The following ZFP28 variants were observed in gnomAD, a reference collection of about 807,000 sequenced individuals.
ZFP28 encodes the protein ZFP28 zinc finger protein, also known as zinc finger protein 28 homolog.
A neutral mutation model predicts 39.5 loss-of-function variants in ZFP28; 31 were observed. That is an observed-to-expected ratio of 0.79 (90% CI 0.59 to 1.06). ZFP28 has a LOEUF of 1.06. Ranked by LOEUF, ZFP28 falls within the 50% of genes least tolerant of loss-of-function variation. The pLI is 0.00. For synonymous variants in ZFP28, 400 were observed against 378.6 expected, an observed-to-expected ratio of 1.06 and a Z score of -0.66; for missense variants, 925 against 1,048.4, an observed-to-expected ratio of 0.88 and a Z score of 1.63.
At chr19:56,545,269 T>C (rs978662121) in intron 2 of ZFP28, among the ~76,000 whole-genome samples, 1 of 152,206 alleles carries the variant, frequency 6.6e-6, no homozygotes, top group Non-Finnish European at 1.5e-5. Context: ...GCTCTGCAGT[T>C]GACTGATTCA....
rs149325607 is a variant in ZFP28, at chr19:56,553,955, G to T, written c.1170G>T (p.Glu390Asp). Residue 390 changes from glutamate (E) to aspartate (D), a missense_variant, in exon 8 of 8, where the codon GAG (glutamate) becomes GAT (aspartate). Coordinates refer to ENST00000301318, the MANE Select transcript of ZFP28 (RefSeq NM_020828.2). ...GRWFYLDDSE[E>D]KVHNRDSIKN... ...GGTTCTATTTGGACGATTCAGAAGA[G>T]AAAGTTCATAATCGTGATTCAATTA... is the stretch of plus-strand genomic sequence containing the variant. The T allele has an allele frequency of 1.9e-6, 3 of 1,613,072 alleles. No homozygotes were observed. In the East Asian group the frequency reaches 6.7e-5, roughly 36 times the overall value.
rs1172876489 is a variant in ZFP28, at chr19:56,556,166, C to T, written c.*774C>T. On this transcript the variant is annotated 3_prime_UTR_variant, in exon 8 of 8. Transcript: ENST00000301318. ...TGACTGTTTTTGTATGGTCCATGAT[C>T]TAGAATTTAAAAAAATTTTAAAGGG... 3 of 151,968 alleles carry T rather than the reference C, an allele frequency of 2.0e-5. No individual in the cohort carries two copies. Among genetic ancestry groups the T allele is most frequent in the Admixed American group, 2.0e-4 (3 of 15,256 alleles). 9.4% of individuals were successfully genotyped at this position (151,968 alleles called of 1,614,324 possible). A position where few individuals can be genotyped will look rare whatever the true frequency, so the allele number is the denominator to read the frequency against.
Position 56,547,703 on chromosome 19 carries a change from CT to C in ZFP28, c.427+72del. The C allele has an allele frequency of 6.3e-6, 10 of 1,585,804 alleles. No homozygotes were observed. Among genetic ancestry groups the C allele is most frequent in the Non-Finnish European group, 7.7e-6 (9 of 1,164,740 alleles). ...TCCTGGACTAAGAAGCCTTTCATGC[CT>C]TTATCACCCAGACCTGCACTGCCCT... On this transcript the variant is annotated intron_variant, in intron 3 of 7. Coordinates refer to ENST00000301318, the MANE Select transcript of ZFP28 (RefSeq NM_020828.2). The surrounding 1 kb of genome is among the most constrained non-coding windows in gnomAD (Gnocchi z 4.6).
intron 2 of ZFP28, among the ~76,000 whole-genome samples, chr19:56,540,794 C>T (rs1291475127): frequency 6.6e-6 from 1 of 152,216 alleles, no homozygotes; most frequent in African/African-American, 2.4e-5. Context: ...AAACAGGTGG[C>T]TACCTATCCC....
In ZFP28 at chr19:56,555,026, T is replaced by C. The variant is rs2044338183; in HGVS notation, c.2241T>C (p.His747=). 8.7e-6 allele frequency: 14 copies of C among 1,614,190 alleles called. 1 individual carries two copies. Among genetic ancestry groups the C allele is most frequent in the Non-Finnish European group, 1.2e-5 (14 of 1,180,032 alleles). The stretch of plus-strand genomic sequence containing the variant: ...AGACAAAATCCTCCCTTATTTGTCA[T>C]CGCAGAAGTCATACTGGAGAAAAAC... The part of the protein sequence containing the change: ...AFKTKSSLIC[H]RRSHTGEKPY... The change falls in exon 8 of 8, where the codon CAT becomes CAC. Residue 747 remains histidine (H), a synonymous_variant. Transcript: ENST00000301318.
chr19:56,549,015 G>C lies in ZFP28; in HGVS notation c.581G>C (p.Gly194Ala), dbSNP rs749147033. The change falls in exon 5 of 8, where the codon GGA becomes GCA. Residue 194 changes from glycine (G) to alanine (A), a missense_variant. Gly to Ala is a moderately conservative substitution (Grantham distance 60). This residue lies in a region of ZFP28 where 556 missense variants were observed against 542.9 expected (regional missense o/e 1.02). Coordinates refer to ENST00000301318, the MANE Select transcript of ZFP28 (RefSeq NM_020828.2). ...ELPLKKDFCE[G>A]KLSQAVITER... Reference sequence around the variant, plus strand: ...CCTCTCAAGAAGGACTTCTGCGAAGGAAAGCTATCCCAGGCAGTGATAACA... The same window carrying C: ...CCTCTCAAGAAGGACTTCTGCGAAGCAAAGCTATCCCAGGCAGTGATAACA... 6.2e-7 allele frequency: 1 copy of C among 1,613,966 alleles called. No homozygotes were observed. Among genetic ancestry groups the C allele is most frequent in the African/African-American group, 1.3e-5 (1 of 74,928 alleles).
Position 56,539,678 on chromosome 19 carries a change from G to A in ZFP28, c.262G>A (p.Ala88Thr), listed in dbSNP as rs747817624. 6.2e-7 allele frequency: 1 copy of A among 1,614,192 alleles called. No individual in the cohort carries two copies. Among genetic ancestry groups the A allele is most frequent in the East Asian group, 2.2e-5 (1 of 44,880 alleles). The change falls in exon 2 of 8, where the codon GCT becomes ACT. Residue 88 changes from alanine to threonine, a missense_variant. Transcript: ENST00000301318. ...LPQERNKKLE[A>T]VGTGIEPKAM... ...CCAGGAGAGAAACAAGAAGCTGGAG[G>A]CTGTGGGGACAGGAATTGAACCTAA...
At chr19:56,553,658 A>G in intron 7 of ZFP28, 26 bp from the exon 8 acceptor site, 1 of 1,536,102 alleles carries the variant, frequency 6.5e-7, no homozygotes, top group Non-Finnish European at 8.7e-7. Flanking sequence ...GAAAAAGGAA[A>G]TATGTGTTTT....
rs1007490714 is a variant in ZFP28 at position 56,539,373 on chromosome 19, A to G, written c.208+147A>G. On this transcript the variant is annotated intron_variant, in intron 1 of 7. Transcript: ENST00000301318. ...GCTGGTGGAGTGGGAGAATCTGAAG[A>G]TTTGGAAGCTCAACTGATTCAGAGC... The G allele has an allele frequency of 5.2e-6, 5 of 952,874 alleles. No individual in the cohort carries two copies. The African/African-American group carries it at 6.7e-5, about 13-fold the overall frequency. 59.0% of individuals were successfully genotyped at this position (952,874 alleles called of 1,614,324 possible). A position where few individuals can be genotyped will look rare whatever the true frequency, so the allele number is the denominator to read the frequency against.
intron 2 of ZFP28, among the ~76,000 whole-genome samples, chr19:56,543,536 C>T (rs2044214424): frequency 6.6e-6 from 1 of 151,984 alleles, no homozygotes; most frequent in African/African-American, 2.4e-5. Context: ...TTCTGAGTGG[C>T]TGGGCCTATA....
rs563829816 is a variant in ZFP28, at chr19:56,539,077, C to G, written c.59C>G (p.Ala20Gly). Residue 20 changes from alanine (A) to glycine (G), a missense_variant, in exon 1 of 8, where the codon GCC becomes GGC. Transcript: ENST00000301318. ...REPTPLPGRG[A>G]PRTKPRAGRG... ...CCGACGCCGCTCCCGGGTAGAGGCG[C>G]CCCCCGCACAAAGCCCCGGGCGGGC... 2.0e-6 allele frequency: 3 copies of G among 1,530,018 alleles called. No homozygotes were observed. The East Asian group carries it at 7.4e-5, about 38-fold the overall frequency. The allele number at this position is 1,530,018 out of a possible 1,614,324, so 94.8% of individuals were successfully genotyped here.
In ZFP28 at chr19:56,538,998, C is replaced by A. The variant is rs2044165288; in HGVS notation, c.-21C>A. ...GTCTGTGAGGGACCGGTCGGAAGGGCGTCGCGCGGCCTCGGGTGACATGCG... is the reference window on the plus strand; with the variant it reads ...GTCTGTGAGGGACCGGTCGGAAGGGAGTCGCGCGGCCTCGGGTGACATGCG... On this transcript the variant is annotated 5_prime_UTR_variant, in exon 1 of 8. Transcript: ENST00000301318. 7 of 1,386,582 alleles carry A rather than the reference C, an allele frequency of 5.0e-6. No individual in the cohort carries two copies. The highest frequency in any genetic ancestry group is 1.6e-5 in the South Asian group (1 of 61,362). 85.9% of individuals were successfully genotyped at this position (1,386,582 alleles called of 1,614,324 possible).
chr19:56,554,749 C>G lies in ZFP28; in HGVS notation c.1964C>G (p.Thr655Ser), dbSNP rs201526984. The change falls in exon 8 of 8, where the codon ACC (threonine) becomes AGC (serine). Residue 655 changes from threonine (T) to serine (S), a missense_variant. Coordinates refer to ENST00000301318, the MANE Select transcript of ZFP28 (RefSeq NM_020828.2). The surrounding 1 kb of genome is among the most constrained non-coding windows in gnomAD (Gnocchi z 6.7). ...TGTAAGGTTTGTAGTAAAGCGTTCA[C>G]CCAGAAGGCTCACCTTGCACAGCAT... Reference protein sequence around the residue: ...YECKVCSKAFTQKAHLAQHQK... With the variant: ...YECKVCSKAFSQKAHLAQHQK... 4.3e-5 allele frequency: 69 copies of G among 1,613,930 alleles called. No individual in the cohort carries two copies. Among genetic ancestry groups the G allele is most frequent in the Non-Finnish European group, 5.8e-5 (69 of 1,180,016 alleles).
At chr19:56,543,377 A>G (rs2044212893) in intron 2 of ZFP28, among the ~76,000 whole-genome samples, 1 of 128,138 alleles carries the variant, frequency 7.8e-6, no homozygotes, top group Non-Finnish European at 1.6e-5. Flanking sequence ...TAATATATGT[A>G]TATTATATAT....
rs778756665 is a variant in ZFP28, at chr19:56,554,094, G to A, written c.1309G>A (p.Val437Ile). ...KTFTQSSSLT[V>I]HQRIHTGEKP... The stretch of plus-strand genomic sequence containing the variant: ...TTTTACCCAGAGCTCATCTCTTACT[G>A]TTCATCAGAGAATTCACACTGGAGA... Residue 437 changes from valine to isoleucine, a missense_variant, in exon 8 of 8, where the codon GTT becomes ATT. This residue lies in a region of ZFP28 where 556 missense variants were observed against 542.9 expected (regional missense o/e 1.02). Coordinates refer to ENST00000301318, the MANE Select transcript of ZFP28 (RefSeq NM_020828.2). The surrounding 1 kb of genome is among the most constrained non-coding windows in gnomAD (Gnocchi z 6.7). The A allele has an allele frequency of 6.2e-6, 10 of 1,614,186 alleles. No homozygotes were observed. The South Asian group carries it at 6.6e-5, about 11-fold the overall frequency.
Position 56,538,975 on chromosome 19 carries a change from C to T in ZFP28, c.-44C>T. On this transcript the variant is annotated 5_prime_UTR_variant, in exon 1 of 8. Transcript: ENST00000301318. Reference sequence around the variant, plus strand: ...GGCGGGTGTGGCCAGGGGTGTGGGTCTGTGAGGGACCGGTCGGAAGGGCGT... The same window carrying T: ...GGCGGGTGTGGCCAGGGGTGTGGGTTTGTGAGGGACCGGTCGGAAGGGCGT... 7.5e-7 allele frequency: 1 copy of T among 1,337,304 alleles called. No individual in the cohort carries two copies. The highest frequency in any genetic ancestry group is 1.9e-5 in the South Asian group (1 of 53,816). The allele number at this position is 1,337,304 out of a possible 1,614,324, so 82.8% of individuals were successfully genotyped here.
intron 4 of ZFP28, among the ~76,000 whole-genome samples, chr19:56,548,116 A>C (rs2044260343): frequency 6.6e-6 from 1 of 152,266 alleles, no homozygotes; most frequent in African/African-American, 2.4e-5. Flanking sequence ...TTTCTTTCAG[A>C]GGTTTTATCC....
chr19:56,539,583 T>A (rs1304846276), intron 1 of ZFP28, 42 bp from the exon 2 acceptor site: 1 of 1,542,402 alleles, frequency 6.5e-7, no homozygotes, highest in Non-Finnish European at 9.0e-7. Flanking sequence ...GATTTGGGAC[T>A]GTGGTGTAGA....
chr19:56,539,549 A>G lies in ZFP28; in HGVS notation c.209-76A>G. On this transcript the variant is annotated intron_variant, in intron 1 of 7. Transcript: ENST00000301318. ...ATGATCTGATCCCACCTTTTCATGC[A>G]GGAAGGGACGTTTCTAGGCTGGTGA... The G allele has an allele frequency of 8.7e-6, 11 of 1,264,946 alleles. No individual in the cohort carries two copies. In the Middle Eastern group the frequency reaches 1.5e-3, roughly 168 times the overall value. 78.4% of individuals were successfully genotyped at this position (1,264,946 alleles called of 1,614,324 possible).
Sources: allele counts gnomAD v4.1 joint callset (sites outside exome capture counted in the v4.1 genomes callset), GRCh38; gene constraint gnomAD v4.1.1; regional missense constraint gnomAD v4.1.1; non-coding constraint Gnocchi (gnomAD v3.1); transcripts MANE v1.5; gene names NCBI Gene and HGNC (gene_info 2026-07-23, HGNC 2026-07-21).